The following FSIP1 variants were observed in gnomAD, a reference collection of about 807,000 sequenced individuals.
The protein encoded by FSIP1 is fibrous sheath-interacting protein 1.
Under a neutral mutation model 60.9 loss-of-function variants are expected in FSIP1, and 65 were observed. The ratio of observed to expected loss-of-function variants is 1.07; its 90% CI spans 0.87 to 1.31. The LOEUF (loss-of-function observed/expected upper bound fraction) is 1.31. FSIP1 is among the 40% of genes most tolerant of loss of function. The pLI is 0.00. For synonymous variants in FSIP1, 209 were observed against 221.2 expected (o/e 0.94, Z 0.49); for missense variants, 675 against 665.5 (o/e 1.01, Z -0.16).
chr15:39,687,477 G>A (rs987807666), intron 10 of FSIP1, among the ~76,000 whole-genome samples: 1 of 152,082 alleles, frequency 6.6e-6, no homozygotes, highest in East Asian at 1.9e-4. Flanking sequence ...ACTGACTGAG[G>A]CAAGCGTCTA....
At chr15:39,623,647 A>G (rs1293783133) in intron 10 of FSIP1, among the ~76,000 whole-genome samples, 1 of 152,194 alleles carries the variant, frequency 6.6e-6, no homozygotes, top group Non-Finnish European at 1.5e-5. Flanking sequence ...TTTTGGCTAT[A>G]AGGAACAGAA....
chr15:39,722,371 T>A (rs780428260), intron 9 of FSIP1, among the ~76,000 whole-genome samples: 1 of 152,066 alleles, frequency 6.6e-6, no homozygotes, highest in Non-Finnish European at 1.5e-5. Flanking sequence ...ACACAATAAA[T>A]GTAACATGTT....
At position 39,770,429 on chromosome 15, in the gene FSIP1, G is replaced by A. The variant is rs1423247606; in HGVS notation, c.308C>T (p.Ser103Leu). ...LVQHQIISEC[S>L]DEPKLKELDS... ...CAATCACCTAGTGATTATCCTACCT[G>A]AACACTCAGAGATTATCTGATGTTG... Residue 103 changes from serine (S) to leucine (L), a missense_variant and splice_region_variant, in exon 3 of 12, where the codon TCA (serine) becomes TTA (leucine). Transcript: ENST00000350221. 1 of 1,584,458 alleles carries A rather than the reference G, an allele frequency of 6.3e-7. No individual in the cohort carries two copies. Among genetic ancestry groups the A allele is most frequent in the East Asian group, 2.3e-5 (1 of 44,394 alleles).
chr15:39,616,824 C>A (rs1891247223), intron 11 of FSIP1, among the ~76,000 whole-genome samples: 1 of 152,090 alleles, frequency 6.6e-6, no homozygotes, highest in African/African-American at 2.4e-5. Context: ...AGACTTGAGG[C>A]AGGGAGGTCT....
chr15:39,618,182 T>C lies in FSIP1; in HGVS notation c.1252A>G (p.Lys418Glu). 6.2e-7 allele frequency: 1 copy of C among 1,613,830 alleles called. No individual in the cohort carries two copies. Among genetic ancestry groups the C allele is most frequent in the Non-Finnish European group, 8.5e-7 (1 of 1,179,734 alleles). Reference sequence around the variant, plus strand: ...GAAAGTTTAATGATGGATTTTTGTTTAAGTATGCATTCATCCAGAAGACAC... The same window carrying C: ...GAAAGTTTAATGATGGATTTTTGTTCAAGTATGCATTCATCCAGAAGACAC... ...LKCLLDECIL[K>E]QKSIIKLSSE... The change falls in exon 11 of 12, where the codon AAA (lysine) becomes GAA (glutamate). Residue 418 changes from lysine to glutamate, a missense_variant. Lys to Glu is a moderately conservative substitution (Grantham distance 56). Transcript: ENST00000350221.
intron 10 of FSIP1, among the ~76,000 whole-genome samples, chr15:39,634,480 T>G (rs1057415968): frequency 3.9e-5 from 6 of 152,294 alleles, no homozygotes; most frequent in Admixed American, 6.5e-5. Context: ...CTCTCAGCAC[T>G]GTATAACACA....
chr15:39,662,814 T>C (rs1410491634), intron 10 of FSIP1, among the ~76,000 whole-genome samples: 1 of 152,088 alleles, frequency 6.6e-6, no homozygotes, highest in Non-Finnish European at 1.5e-5. Flanking sequence ...TCCTATTAAA[T>C]AGCACTCAGG....
At chr15:39,765,773 G>T in intron 3 of FSIP1, 27 bp from the exon 4 acceptor site, 2 of 1,283,366 alleles carry the variant, frequency 1.6e-6, no homozygotes, top group Non-Finnish European at 2.2e-6. Flanking sequence ...GTAAAAATAG[G>T]TTTGAAGTAT....
chr15:39,709,195 C>G (rs8041266), intron 10 of FSIP1, among the ~76,000 whole-genome samples: 18,904 of 152,186 alleles, frequency 0.12, 1,404 homozygotes, highest in African/African-American at 0.2. Flanking sequence ...CTTCTCCCAT[C>G]GCTAAAACAG....
intron 9 of FSIP1, among the ~76,000 whole-genome samples, chr15:39,725,463 GGTT>G (rs1297783202): frequency 6.6e-6 from 1 of 152,132 alleles, no homozygotes; most frequent in Admixed American, 6.5e-5. Context: ...TTTCCCCTGA[GGTT>G]GCTTCAACTG....
At position 39,677,923 on chromosome 15, in the gene FSIP1, G is replaced by T. The variant is rs1252717824; in HGVS notation, c.1188+35521C>A. 2.0e-5 allele frequency among the ~76,000 whole-genome samples: 3 copies of T among 151,838 alleles called. No individual in the cohort carries two copies. The East Asian group carries it at 5.8e-4, about 29-fold the overall frequency. On this transcript the variant is annotated intron_variant, in intron 10 of 11. Coordinates refer to ENST00000350221, the MANE Select transcript of FSIP1 (RefSeq NM_152597.5). The stretch of plus-strand genomic sequence containing the variant: ...AGGCAGGAGAATCACTTGAACCAGG[G>T]AGTTGGAGGTTGCCGTGAGCCAAGA...
rs148655666 is a variant in FSIP1 at position 39,608,601 on chromosome 15, C to T, written c.1700-7675G>A. Reference sequence around the variant, plus strand: ...ATTTCAGAGTAGAACAAAGTTTTCACAGTTCATTTATTAAATGAAGATCTT... The same window carrying T: ...ATTTCAGAGTAGAACAAAGTTTTCATAGTTCATTTATTAAATGAAGATCTT... On this transcript the variant is annotated intron_variant, in intron 11 of 11. Coordinates refer to ENST00000350221, the MANE Select transcript of FSIP1 (RefSeq NM_152597.5). 5.4e-3 allele frequency among the ~76,000 whole-genome samples: 819 copies of T among 152,320 alleles called. 10 individuals are homozygous for T. The highest frequency in any genetic ancestry group is 0.018 in the African/African-American group (762 of 41,586).
At position 39,742,343 on chromosome 15, in the gene FSIP1, A is replaced by C. The variant is rs1274622503; in HGVS notation, c.560-443T>G. Among the ~76,000 whole-genome samples the C allele has an allele frequency of 3.3e-5, 5 of 152,230 alleles. No individual in the cohort carries two copies. In the East Asian group the frequency reaches 9.6e-4, roughly 29 times the overall value. ...TCAGTCATTAAGATAAAGGAATGTG[A>C]GAGAGAACTTGGGAGACTCTTAGCA... On this transcript the variant is annotated intron_variant, in intron 5 of 11. Coordinates refer to ENST00000350221, the MANE Select transcript of FSIP1 (RefSeq NM_152597.5).
intron 11 of FSIP1, among the ~76,000 whole-genome samples, chr15:39,604,942 TCAAA>T (rs1017906159): frequency 1.3e-5 from 2 of 152,146 alleles, no homozygotes; most frequent in South Asian, 2.1e-4. Flanking sequence ...GAAAATTTTC[TCAAA>T]CAATCTAGTT....
intron 10 of FSIP1, among the ~76,000 whole-genome samples, chr15:39,622,538 TAATA>T (rs1461721727): frequency 6.6e-6 from 1 of 152,228 alleles, no homozygotes; most frequent in African/African-American, 2.4e-5. Context: ...TACAGAATAA[TAATA>T]AATAGGTAGC....
intron 11 of FSIP1, among the ~76,000 whole-genome samples, chr15:39,602,915 C>T (rs1890692350): frequency 6.6e-6 from 1 of 152,106 alleles, no homozygotes; most frequent in African/African-American, 2.4e-5. Flanking sequence ...GATTGAGTAA[C>T]AAAAAATTTT....
chr15:39,622,824 C>G (rs1891491198), intron 10 of FSIP1, among the ~76,000 whole-genome samples: 1 of 152,166 alleles, frequency 6.6e-6, no homozygotes, highest in African/African-American at 2.4e-5. Flanking sequence ...CCTCTACCAC[C>G]CTCCAAGTGT....
At chr15:39,715,691 C>T (rs555028280) in intron 9 of FSIP1, among the ~76,000 whole-genome samples, 6 of 152,236 alleles carry the variant, frequency 3.9e-5, no homozygotes, top group South Asian at 2.1e-4. Context: ...AATCTCATGT[C>T]GAATTGTAAC....
At chr15:39,603,514 C>T (rs1369084733) in intron 11 of FSIP1, among the ~76,000 whole-genome samples, 1 of 152,220 alleles carries the variant, frequency 6.6e-6, no homozygotes. Flanking sequence ...AGTAGAGAGA[C>T]TGGGCAATCA....
Sources: gnomAD v4.1 joint callset for allele counts (sites outside exome capture counted in the v4.1 genomes callset) on GRCh38, gnomAD v4.1.1 for gene constraint, MANE v1.5 for transcripts, NCBI Gene and HGNC (gene_info 2026-07-23, HGNC 2026-07-21) for gene names.